DHX35: variants seen among roughly 807,000 people sequenced by gnomAD.
DHX35 encodes probable ATP-dependent RNA helicase DHX35.
In DHX35, 84 loss-of-function variants were observed where a neutral mutation model predicts 99.6. That is an observed-to-expected ratio of 0.84 (90% CI 0.71 to 1.01). The LOEUF (loss-of-function observed/expected upper bound fraction) is 1.01. Among genes scored for constraint, DHX35 ranks in the 50% least tolerant of loss-of-function variants. DHX35 has a pLI of 0.00. For missense variants in DHX35, 852 were observed against 888.5 expected, an observed-to-expected ratio of 0.96 and a Z score of 0.52; for synonymous variants, 331 against 316.2, an observed-to-expected ratio of 1.05 and a Z score of -0.50.
At chr20:38,993,909 C>A (rs898104989) in intron 7 of DHX35, among the ~76,000 whole-genome samples, 6 of 152,060 alleles carry the variant, frequency 3.9e-5, no homozygotes, top group African/African-American at 1.4e-4. Context: ...CTGTGAGGTT[C>A]TTTTGTGCAA....
At chr20:39,021,068 G>C (rs942302517) in intron 15 of DHX35, among the ~76,000 whole-genome samples, 2 of 152,218 alleles carry the variant, frequency 1.3e-5, no homozygotes, top group Admixed American at 6.5e-5. Context: ...TTGTGCCCTG[G>C]AGTGGTGATT....
At chr20:39,020,998 C>T (rs574596020) in intron 15 of DHX35, among the ~76,000 whole-genome samples, 8 of 152,072 alleles carry the variant, frequency 5.3e-5, no homozygotes, top group Admixed American at 6.6e-5. Context: ...TGGGGAAGTG[C>T]ATCATTCATG....
intron 7 of DHX35, 39 bp downstream of exon 7, chr20:38,992,464 T>C (rs755173809): frequency 6.3e-7 from 1 of 1,592,910 alleles, no homozygotes; most frequent in East Asian, 2.2e-5. Context: ...TGTGTGTTTA[T>C]TTTATTGCCT....
intron 3 of DHX35, among the ~76,000 whole-genome samples, chr20:38,982,307 A>T (rs1476496039): frequency 6.6e-6 from 1 of 152,250 alleles, no homozygotes; most frequent in Non-Finnish European, 1.5e-5. Context: ...TACTAACTAG[A>T]TTACAGCATT....
At chr20:39,033,049 T>TG (rs1459078040) in intron 20 of DHX35, among the ~76,000 whole-genome samples, 1 of 151,874 alleles carries the variant, frequency 6.6e-6, no homozygotes, top group Non-Finnish European at 1.5e-5. Context: ...AATACCAGCC[T>TG]GGGTGCCATA....
intron 11 of DHX35, among the ~76,000 whole-genome samples, chr20:39,004,492 A>C (rs1372656893): frequency 6.6e-6 from 1 of 152,218 alleles, no homozygotes; most frequent in South Asian, 2.1e-4. Context: ...ACTTTGGCTT[A>C]AGGGATTGTT....
intron 14 of DHX35, 69 bp from the exon 15 acceptor site, chr20:39,018,735 C>T (rs2086825864): frequency 6.9e-7 from 1 of 1,441,654 alleles, no homozygotes; most frequent in Non-Finnish European, 9.7e-7. Context: ...CTTTTATTCT[C>T]TCAGCAACTG....
At chr20:39,010,505 T>A in intron 13 of DHX35, 101 bp downstream of exon 13, 2 of 1,485,340 alleles carry the variant, frequency 1.3e-6, no homozygotes, top group South Asian at 1.3e-5. Context: ...TTTTTTTCCC[T>A]ACTCAGGTCA....
chr20:39,021,692 G>C (rs1291846341), intron 15 of DHX35, 149 bp from the exon 16 acceptor site: 2 of 741,820 alleles, frequency 2.7e-6, no homozygotes, highest in Admixed American at 2.3e-5. Context: ...ATGCTGCCCA[G>C]GCTTATATAC....
At chr20:39,025,637 A>G (rs2086945460) in intron 18 of DHX35, among the ~76,000 whole-genome samples, 1 of 152,252 alleles carries the variant, frequency 6.6e-6, no homozygotes, top group South Asian at 2.1e-4. Context: ...ATCAGTGCAC[A>G]TCATGTCATT....
At chr20:39,011,083 A>G (rs979471048) in intron 13 of DHX35, among the ~76,000 whole-genome samples, 1 of 152,044 alleles carries the variant, frequency 6.6e-6, no homozygotes, top group Admixed American at 6.5e-5. Context: ...TAAATTTTTC[A>G]TAAGATAGAT....
chr20:38,974,093 C>T (rs1373375093), intron 3 of DHX35, among the ~76,000 whole-genome samples: 3 of 152,154 alleles, frequency 2.0e-5, no homozygotes, highest in Non-Finnish European at 4.4e-5. Context: ...CTGTGTTCAA[C>T]TTTAGTAAAT....
At chr20:39,030,179 A>G (rs2087025160) in intron 19 of DHX35, 1 of 152,692 alleles carries the variant, frequency 6.5e-6, no homozygotes, top group East Asian at 1.9e-4. Context: ...GGGTTTCTCC[A>G]TGTTGGCCAG....
chr20:39,026,510 A>G (rs886736172), intron 18 of DHX35, among the ~76,000 whole-genome samples: 2 of 152,222 alleles, frequency 1.3e-5, no homozygotes, highest in African/African-American at 4.8e-5. Context: ...TTAAAGTAGT[A>G]GATACTTTAG....
At chr20:38,989,851 G>A (rs1317105820) in intron 5 of DHX35, among the ~76,000 whole-genome samples, 4 of 152,154 alleles carry the variant, frequency 2.6e-5, no homozygotes, top group Non-Finnish European at 5.9e-5. Flanking sequence ...CTACCACCGT[G>A]CTAGAATCAA....
At chr20:38,971,347 C>G (rs1196348092) in intron 2 of DHX35, among the ~76,000 whole-genome samples, 2 of 152,098 alleles carry the variant, frequency 1.3e-5, no homozygotes, top group African/African-American at 4.8e-5. Flanking sequence ...AGCGAGACTC[C>G]ATCTCAAAAA....
At chr20:39,031,864 T>G (rs1046546798) in intron 20 of DHX35, among the ~76,000 whole-genome samples, 3 of 152,192 alleles carry the variant, frequency 2.0e-5, no homozygotes, top group Admixed American at 6.5e-5. Flanking sequence ...GGCAGAGCCA[T>G]GGAACATAAA....
intron 16 of DHX35, among the ~76,000 whole-genome samples, chr20:39,022,462 CAT>C (rs1388489280): frequency 6.6e-6 from 1 of 152,148 alleles, no homozygotes; most frequent in African/African-American, 2.4e-5. Context: ...GGCCTATTAT[CAT>C]ATTTTAAAGA....
chr20:38,972,446 A>T, intron 2 of DHX35, 113 bp from the exon 3 acceptor site: 1 of 678,200 alleles, frequency 1.5e-6, no homozygotes. Context: ...TGATAGTTCT[A>T]CTTAAAATTC....
Sources: allele counts gnomAD v4.1 joint callset (sites outside exome capture counted in the v4.1 genomes callset), GRCh38; gene constraint gnomAD v4.1.1; transcripts MANE v1.5; gene names NCBI Gene and HGNC (gene_info 2026-07-23, HGNC 2026-07-21).